GET1: variants seen among roughly 807,000 people sequenced by gnomAD.
GET1 encodes guided entry of tail-anchored proteins factor 1, also known as congenital heart disease 5 protein.
GET1 carries 20 observed loss-of-function variants against 22.6 expected under a neutral mutation model. That is an observed-to-expected ratio of 0.89 (90% CI 0.62 to 1.29). The LOEUF (loss-of-function observed/expected upper bound fraction) is 1.29. GET1 is among the 50% of genes most tolerant of loss of function. The pLI is 0.00. For missense variants in GET1, 209 were observed against 219.9 expected (o/e 0.95, Z 0.31); for synonymous variants, 92 against 83.8 (o/e 1.10, Z -0.53).
At chr21:39,406,533 GTCT>G (rs751375675) in exon 5 of GET1, 34 of 1,612,034 alleles carry the variant, frequency 2.1e-5, no homozygotes, top group Non-Finnish European at 2.8e-5. Context: ...TCTTTTCTTG[GTCT>G]TCTTTTTTGT....
chr21:39,385,261 C>T (rs2037809029), intron 1 of GET1, among the ~76,000 whole-genome samples: 3 of 152,156 alleles, frequency 2.0e-5, no homozygotes, highest in Admixed American at 1.3e-4. Flanking sequence ...GGCAGCACCC[C>T]GATCTCAGCA....
chr21:39,410,166 A>G, downstream of GET1: 1 of 1,257,874 alleles, frequency 7.9e-7, no homozygotes, highest in Non-Finnish European at 1.2e-6. Flanking sequence ...ATTTTATTCT[A>G]ATGACTACAA....
intron 1 of GET1, among the ~76,000 whole-genome samples, chr21:39,414,732 C>CTGTGTGTGTGTGTGTG (rs1464601997): frequency 1.1e-4 from 12 of 110,490 alleles, no homozygotes; most frequent in African/African-American, 4.7e-4. Flanking sequence ...CTCTCTCTCT[C>CTGTGTGTGTGTGTGTG]TCTCTCTCTC....
At chr21:39,416,661 A>AT (rs111455209) in intron 1 of GET1, among the ~76,000 whole-genome samples, 73 of 149,652 alleles carry the variant, frequency 4.9e-4, no homozygotes, top group Admixed American at 1.5e-3. Flanking sequence ...TTACTTCTGT[A>AT]TTTTTTTTTT....
chr21:39,406,465 T>C (rs1328500645), exon 5 of GET1: 3 of 1,614,006 alleles, frequency 1.9e-6, no homozygotes, highest in Non-Finnish European at 2.5e-6. Flanking sequence ...TCTTTCAGGA[T>C]GAATAACTTC....
downstream of GET1, chr21:39,410,825 A>G (rs895216663): frequency 6.4e-6 from 3 of 470,924 alleles, no homozygotes; most frequent in South Asian, 1.5e-5. Flanking sequence ...CGGTTGATTC[A>G]TTGTCTCTAT....
At position 39,391,703 on chromosome 21, in the gene GET1, G is replaced by C. The variant is rs147132980; in HGVS notation, c.269-66G>C. ...TATTATAAGGGAAAATAACATTTCT[G>C]TGTATTTGAATATTTTGTTAATTTT... On this transcript the variant is annotated intron_variant, in intron 2 of 4. Coordinates refer to ENST00000649170, the MANE Select transcript of GET1 (RefSeq NM_004627.6). 1.6e-4 allele frequency: 234 copies of C among 1,421,198 alleles called. No individual in the cohort carries two copies. In the African/African-American group the frequency reaches 3.0e-3, roughly 18 times the overall value. 88.0% of individuals were successfully genotyped at this position (1,421,198 alleles called of 1,614,324 possible).
intron 3 of GET1, 44 bp from the exon 4 acceptor site, chr21:39,393,120 TTG>T: frequency 6.6e-7 from 1 of 1,516,524 alleles, no homozygotes; most frequent in Non-Finnish European, 9.2e-7. Flanking sequence ...GTGTGGTCGG[TTG>T]TGTGATTGGC....
At chr21:39,384,195 T>G (rs1036928498) in intron 1 of GET1, among the ~76,000 whole-genome samples, 18 of 152,154 alleles carry the variant, frequency 1.2e-4, no homozygotes, top group Non-Finnish European at 2.4e-4. Flanking sequence ...TCAAATCTTT[T>G]GCCCCCTTTT....
At chr21:39,421,947 A>G (rs961494866) in intron 1 of GET1, 4 of 152,248 alleles carry the variant, frequency 2.6e-5, no homozygotes, top group Admixed American at 2.0e-4. Flanking sequence ...ACTTAGATAC[A>G]TACATGAAAA....
intron 4 of GET1, among the ~76,000 whole-genome samples, chr21:39,394,248 T>G: frequency 6.6e-6 from 1 of 152,110 alleles, no homozygotes; most frequent in Non-Finnish European, 1.5e-5. Flanking sequence ...GAGAATCACT[T>G]GAATCCGAGA....
intron 1 of GET1, chr21:39,387,723 C>G: frequency 1.0e-6 from 1 of 953,776 alleles, no homozygotes; most frequent in Non-Finnish European, 1.2e-6. Flanking sequence ...ATCACGCAGG[C>G]GCTGGTAGGC....
intron 1 of GET1, among the ~76,000 whole-genome samples, chr21:39,381,233 G>C (rs1211814898): frequency 6.6e-6 from 1 of 152,126 alleles, no homozygotes; most frequent in Admixed American, 6.6e-5. Flanking sequence ...GTGGGGTGTG[G>C]CCATGGAAGG....
chr21:39,424,866 G>C (rs757944578), intron 1 of GET1, among the ~76,000 whole-genome samples: 19 of 152,174 alleles, frequency 1.2e-4, no homozygotes, highest in Non-Finnish European at 2.2e-4. Context: ...AATTGAATTT[G>C]AGTATGTTAA....
chr21:39,387,700 C>G (rs918081261), intron 1 of GET1: 20 of 809,278 alleles, frequency 2.5e-5, no homozygotes, highest in Admixed American at 1.2e-4. Context: ...CTCCCCCCCC[C>G]CACTTTTGCC....
intron 4 of GET1, among the ~76,000 whole-genome samples, chr21:39,404,516 G>A (rs2038939515): frequency 6.6e-6 from 1 of 152,074 alleles, no homozygotes; most frequent in East Asian, 1.9e-4. Flanking sequence ...AGGCTGAGGT[G>A]GGCAGATCAC....
chr21:39,403,773 C>T (rs1010159631), intron 4 of GET1, among the ~76,000 whole-genome samples: 1 of 151,342 alleles, frequency 6.6e-6, no homozygotes, highest in African/African-American at 2.4e-5. Flanking sequence ...AGATGCTGGC[C>T]ACCACGCATG....
At chr21:39,390,661 G>T in intron 1 of GET1, 37 bp from the exon 2 acceptor site, 1 of 1,611,308 alleles carries the variant, frequency 6.2e-7, no homozygotes, top group African/African-American at 1.3e-5. Flanking sequence ...TGTGACCCGT[G>T]TTGGAAGGTG....
chr21:39,380,541 G>T, intron 1 of GET1, 55 bp downstream of exon 1: 1 of 1,568,700 alleles, frequency 6.4e-7, no homozygotes. Flanking sequence ...CCAGTCCCCC[G>T]GCGGGTCTGG....
Sources: allele counts gnomAD v4.1 joint callset (sites outside exome capture counted in the v4.1 genomes callset), GRCh38; gene constraint gnomAD v4.1.1; transcripts MANE v1.5; gene names NCBI Gene and HGNC (gene_info 2026-07-23, HGNC 2026-07-21).